The following KCNIP4 variants were observed in gnomAD, a reference collection of about 807,000 sequenced individuals.
The protein encoded by KCNIP4 is potassium voltage-gated channel interacting protein 4.
In KCNIP4, 12 loss-of-function variants were observed where a neutral mutation model predicts 34.0. That is an observed-to-expected ratio of 0.35 (90% CI 0.23 to 0.57). The LOEUF (loss-of-function observed/expected upper bound fraction) is 0.57. KCNIP4 is among the 20% of genes least tolerant of loss of function. The pLI is 0.83. For synonymous variants in KCNIP4, 124 were observed against 102.2 expected (o/e 1.21, Z -1.29); for missense variants, 238 against 311.7 (o/e 0.76, Z 1.78).
At chr4:21,206,435 T>G (rs1386027188) in intron 1 of KCNIP4, among the ~76,000 whole-genome samples, 4 of 152,024 alleles carry the variant, frequency 2.6e-5, no homozygotes, top group African/African-American at 9.7e-5. Context: ...TGGAGAGAGG[T>G]GCTGGTTGGG....
chr4:21,139,465 A>G (rs1751765399), intron 1 of KCNIP4, among the ~76,000 whole-genome samples: 1 of 152,230 alleles, frequency 6.6e-6, no homozygotes, highest in African/African-American at 2.4e-5. Context: ...ATGCCCCTTC[A>G]ATGATGGACT....
At chr4:20,922,547 G>GTCTATCTATCTA (rs1553916287) in intron 1 of KCNIP4, among the ~76,000 whole-genome samples, 2,374 of 129,436 alleles carry the variant, frequency 0.018, 60 homozygotes, top group African/African-American at 0.054. Flanking sequence ...CTGTCTGTCT[G>GTCTATCTATCTA]TCTATCTATC....
intron 1 of KCNIP4, among the ~76,000 whole-genome samples, chr4:20,892,533 T>A (rs901387728): frequency 6.6e-6 from 1 of 152,180 alleles, no homozygotes; most frequent in Non-Finnish European, 1.5e-5. Flanking sequence ...TTTGTGTCTC[T>A]CCTTTATCTT....
chr4:21,007,736 A>G (rs754683416), intron 1 of KCNIP4, among the ~76,000 whole-genome samples: 30 of 152,222 alleles, frequency 2.0e-4, no homozygotes, highest in Admixed American at 5.2e-4. Flanking sequence ...GAAGAAAACA[A>G]TGGCGCCAAA....
chr4:21,060,594 C>T (rs776142650), intron 1 of KCNIP4, among the ~76,000 whole-genome samples: 2 of 152,134 alleles, frequency 1.3e-5, no homozygotes, highest in Non-Finnish European at 2.9e-5. Flanking sequence ...ACATTACCTG[C>T]TCCGGTTGCA....
chr4:21,207,777 T>G (rs1756942381), intron 1 of KCNIP4, among the ~76,000 whole-genome samples: 3 of 152,228 alleles, frequency 2.0e-5, no homozygotes, highest in African/African-American at 7.2e-5. Flanking sequence ...ATCAGTTATT[T>G]CCACTTCTAA....
intron 1 of KCNIP4, among the ~76,000 whole-genome samples, chr4:21,720,209 T>A (rs1244771358): frequency 6.6e-6 from 1 of 152,134 alleles, no homozygotes; most frequent in African/African-American, 2.4e-5. Context: ...TCAGGAAGTA[T>A]GCACTAGGCC....
chr4:20,907,878 A>T (rs1170441437), intron 1 of KCNIP4, among the ~76,000 whole-genome samples: 2 of 151,672 alleles, frequency 1.3e-5, no homozygotes, highest in Non-Finnish European at 2.9e-5. Context: ...CATGATATCA[A>T]ATTTTCTTGA....
intron 1 of KCNIP4, among the ~76,000 whole-genome samples, chr4:21,572,713 C>T (rs1311600390): frequency 6.6e-6 from 1 of 151,618 alleles, no homozygotes; most frequent in Non-Finnish European, 1.5e-5. Flanking sequence ...GCAACCTCTG[C>T]CTCCTGAGTT....
chr4:20,732,708 G>A lies in KCNIP4; in HGVS notation c.615C>T (p.Pro205=). Reference sequence around the variant, plus strand: ...GAAAAAATGTTTCAACGTGTTGTCTGGGAGCATCTTCTTTGAGGACAGGAT... The same window carrying A: ...GAAAAAATGTTTCAACGTGTTGTCTAGGAGCATCTTCTTTGAGGACAGGAT... ...CTYPVLKEDA[P]RQHVETFFQK... Residue 205 remains proline, a synonymous_variant, in exon 7 of 9, where the codon CCC becomes CCT. Coordinates refer to ENST00000382152, the MANE Select transcript of KCNIP4 (RefSeq NM_025221.6). 2 of 1,611,524 alleles carry A rather than the reference G, an allele frequency of 1.2e-6. No individual in the cohort carries two copies. Among genetic ancestry groups the A allele is most frequent in the Non-Finnish European group, 1.7e-6 (2 of 1,177,982 alleles).
At chr4:21,914,010 A>G (rs1006449006) in intron 1 of KCNIP4, among the ~76,000 whole-genome samples, 2 of 152,196 alleles carry the variant, frequency 1.3e-5, no homozygotes, top group African/African-American at 2.4e-5. Flanking sequence ...GTTTCAGTGT[A>G]GAGAGCCAAG....
At chr4:20,900,043 G>A (rs907091446) in intron 1 of KCNIP4, among the ~76,000 whole-genome samples, 2 of 152,180 alleles carry the variant, frequency 1.3e-5, no homozygotes, top group African/African-American at 4.8e-5. Context: ...ATTGGAGACA[G>A]GGTGAACTTG....
chr4:21,810,689 CAAAAAAAAAAA>C (rs397992521), intron 1 of KCNIP4, among the ~76,000 whole-genome samples: 4 of 107,566 alleles, frequency 3.7e-5, no homozygotes, highest in Admixed American at 1.2e-4. Flanking sequence ...GACTCCGTCT[CAAAAAAAAAAA>C]AAAAAAAAAA....
At chr4:21,862,026 C>A (rs1313845480) in intron 1 of KCNIP4, among the ~76,000 whole-genome samples, 2 of 152,192 alleles carry the variant, frequency 1.3e-5, no homozygotes, top group Non-Finnish European at 2.9e-5. Flanking sequence ...ATAATTCCAC[C>A]TCTGAGCTTT....
chr4:21,565,790 G>A (rs1261653202), intron 1 of KCNIP4, among the ~76,000 whole-genome samples: 3 of 152,106 alleles, frequency 2.0e-5, no homozygotes, highest in African/African-American at 4.8e-5. Flanking sequence ...ATAGAAAAAT[G>A]AGGAGTGCAG....
Position 21,773,588 on chromosome 4 carries a change from T to A in KCNIP4, c.61+174983A>T, listed in dbSNP as rs376453565. Among the ~76,000 whole-genome samples, 4 of 152,330 alleles carry A rather than the reference T, an allele frequency of 2.6e-5. No homozygotes were observed. In the East Asian group the frequency reaches 5.8e-4, roughly 22 times the overall value. On this transcript the variant is annotated intron_variant, in intron 1 of 8. Transcript: ENST00000382152. ...AGTCTCTAAGAACTTGTTTTATGAA[T>A]CTGGGTGTTCCTGTATTGGGTGTAT...
chr4:21,941,760 C>T (rs1034340555), intron 1 of KCNIP4, among the ~76,000 whole-genome samples: 6 of 152,190 alleles, frequency 3.9e-5, no homozygotes, highest in African/African-American at 1.4e-4. Context: ...GAGAGAGCCA[C>T]TCAACCACAC....
At position 21,020,483 on chromosome 4, in the gene KCNIP4, A is replaced by T. The variant is rs1212959378; in HGVS notation, c.62-137774T>A. 1.4e-4 allele frequency among the ~76,000 whole-genome samples: 22 copies of T among 152,242 alleles called. No homozygotes were observed. The East Asian group carries it at 4.1e-3, about 28-fold the overall frequency. ...ATGATACTCCCTCTTCTGCCTGTAG[A>T]TAGGTAAACACCCTCTGCACCCTAG... is the stretch of plus-strand genomic sequence containing the variant. On this transcript the variant is annotated intron_variant, in intron 1 of 8. Coordinates refer to ENST00000382152, the MANE Select transcript of KCNIP4 (RefSeq NM_025221.6).
intron 1 of KCNIP4, among the ~76,000 whole-genome samples, chr4:21,418,984 A>G (rs1206801243): frequency 6.6e-6 from 1 of 152,158 alleles, no homozygotes; most frequent in Non-Finnish European, 1.5e-5. Flanking sequence ...AGGAATAGAG[A>G]AAGTATGTAA....
Sources: allele counts gnomAD v4.1 joint callset (sites outside exome capture counted in the v4.1 genomes callset), GRCh38; gene constraint gnomAD v4.1.1; transcripts MANE v1.5; gene names NCBI Gene and HGNC (gene_info 2026-07-23, HGNC 2026-07-21).